SCAPER: variants seen among roughly 807,000 people sequenced by gnomAD.
SCAPER encodes the protein S-phase cyclin A associated protein in the ER, also known as S phase cyclin A-associated protein in the endoplasmic reticulum.
In SCAPER, 98 loss-of-function variants were observed where a neutral mutation model predicts 182.2. That is an observed-to-expected ratio of 0.54 (90% CI 0.46 to 0.64). The LOEUF (loss-of-function observed/expected upper bound fraction) is 0.64, where lower values mean the gene tolerates loss of function less well. Ranked by LOEUF, SCAPER falls within the 30% of genes least tolerant of loss-of-function variation. The pLI is 0.00. For missense variants in SCAPER, 1,432 were observed against 1,690.0 expected (o/e 0.85, Z 2.68); for synonymous variants, 605 against 564.6 (o/e 1.07, Z -1.01).
Position 76,557,909 on chromosome 15 carries a change from T to C in SCAPER, c.2838+16249A>G, listed in dbSNP as rs574347304. On this transcript the variant is annotated intron_variant, in intron 23 of 31. Transcript: ENST00000563290. ...TATCAAGCAATGGGTAAAGGATTCC[T>C]GTGCAATAAACGGTGCTGTGACAAC... 3.9e-5 allele frequency among the ~76,000 whole-genome samples: 6 copies of C among 152,348 alleles called. No homozygotes were observed. The South Asian group carries it at 8.3e-4, about 21-fold the overall frequency.
chr15:76,842,790 A>C (rs1041236563), intron 4 of SCAPER, among the ~76,000 whole-genome samples: 7 of 152,216 alleles, frequency 4.6e-5, no homozygotes, highest in African/African-American at 1.7e-4. Flanking sequence ...TGAGTTGTTC[A>C]AGGTCACATT....
chr15:76,474,328 T>C (rs1423337497), intron 24 of SCAPER, among the ~76,000 whole-genome samples: 1 of 152,244 alleles, frequency 6.6e-6, no homozygotes, highest in Non-Finnish European at 1.5e-5. Flanking sequence ...TCTGTCCTTA[T>C]GGAGCTGATG....
chr15:76,694,442 G>A (rs983921200), intron 20 of SCAPER, among the ~76,000 whole-genome samples: 5 of 152,026 alleles, frequency 3.3e-5, no homozygotes, highest in African/African-American at 1.2e-4. Context: ...ACTACATAGA[G>A]TATGCATTAA....
chr15:76,766,893 T>TATA, intron 11 of SCAPER, 25 bp downstream of exon 11: 1 of 1,569,658 alleles, frequency 6.4e-7, no homozygotes, highest in Non-Finnish European at 8.6e-7. Context: ...TTTGAATAGT[T>TATA]ATGTTAAAAA....
At chr15:76,624,172 G>A (rs1396290999) in intron 21 of SCAPER, among the ~76,000 whole-genome samples, 1 of 152,182 alleles carries the variant, frequency 6.6e-6, no homozygotes, top group Non-Finnish European at 1.5e-5. Context: ...AAGGCTCCTA[G>A]AACCGATAGA....
chr15:76,622,369 G>A (rs1226814038), intron 21 of SCAPER, among the ~76,000 whole-genome samples: 3 of 150,576 alleles, frequency 2.0e-5, no homozygotes, highest in East Asian at 3.9e-4. Flanking sequence ...AGTGATCTAC[G>A]AAAAAATTAC....
At chr15:76,714,132 A>T (rs1283585431) in intron 17 of SCAPER, among the ~76,000 whole-genome samples, 3 of 152,172 alleles carry the variant, frequency 2.0e-5, no homozygotes, top group Non-Finnish European at 2.9e-5. Flanking sequence ...GATGACAGAC[A>T]AGAGAGAAAG....
chr15:76,762,725 T>G (rs2062866081), intron 14 of SCAPER, among the ~76,000 whole-genome samples: 1 of 152,220 alleles, frequency 6.6e-6, no homozygotes, highest in Non-Finnish European at 1.5e-5. Context: ...CCTAGCTCAC[T>G]GCAGCCTCAA....
chr15:76,840,889 A>G (rs1256297949), intron 5 of SCAPER, among the ~76,000 whole-genome samples: 1 of 152,222 alleles, frequency 6.6e-6, no homozygotes, highest in Non-Finnish European at 1.5e-5. Flanking sequence ...ATTAGAAAAC[A>G]CACCTTACAA....
intron 21 of SCAPER, among the ~76,000 whole-genome samples, chr15:76,640,059 G>T (rs762710215): frequency 5.9e-5 from 9 of 152,064 alleles, no homozygotes; most frequent in African/African-American, 1.9e-4. Flanking sequence ...AGGAGTAAAC[G>T]ATTTATTTTT....
intron 15 of SCAPER, among the ~76,000 whole-genome samples, chr15:76,748,124 G>A (rs2061898433): frequency 6.6e-6 from 1 of 151,872 alleles, no homozygotes; most frequent in Non-Finnish European, 1.5e-5. Context: ...CGGAGTAGCT[G>A]GGATTACAGG....
intron 23 of SCAPER, among the ~76,000 whole-genome samples, chr15:76,535,473 G>C (rs186929920): frequency 3.2e-4 from 39 of 122,096 alleles, no homozygotes; most frequent in African/African-American, 1.1e-3. Context: ...AGTGAGCTGA[G>C]ATCTCGCCAT....
At chr15:76,606,949 A>G (rs887818979) in intron 22 of SCAPER, among the ~76,000 whole-genome samples, 18 of 152,212 alleles carry the variant, frequency 1.2e-4, no homozygotes, top group Non-Finnish European at 1.8e-4. Context: ...CAGCACACTG[A>G]TGAGTCTTGA....
At chr15:76,688,782 T>C (rs555437135) in intron 20 of SCAPER, among the ~76,000 whole-genome samples, 1 of 152,024 alleles carries the variant, frequency 6.6e-6, no homozygotes, top group East Asian at 1.9e-4. Context: ...TCCATTGGTC[T>C]ATATATCTGT....
At chr15:76,815,952 A>C (rs938795543) in intron 5 of SCAPER, among the ~76,000 whole-genome samples, 1 of 152,242 alleles carries the variant, frequency 6.6e-6, no homozygotes, top group Admixed American at 6.5e-5. Context: ...GTATCTGTGC[A>C]TCTAAACACA....
chr15:76,820,531 T>A (rs969814956), intron 5 of SCAPER, among the ~76,000 whole-genome samples: 36 of 141,580 alleles, frequency 2.5e-4, no homozygotes, highest in African/African-American at 9.1e-4. Context: ...TAGGTGGGAA[T>A]TGAACAATGA....
intron 26 of SCAPER, among the ~76,000 whole-genome samples, chr15:76,407,225 A>G (rs2044916868): frequency 6.6e-6 from 1 of 152,226 alleles, no homozygotes; most frequent in South Asian, 2.1e-4. Context: ...GGGATAGCCT[A>G]TTGTTCCCAG....
chr15:76,760,949 A>C (rs1052345212), intron 14 of SCAPER, among the ~76,000 whole-genome samples: 10 of 152,114 alleles, frequency 6.6e-5, no homozygotes, highest in Non-Finnish European at 1.2e-4. Context: ...CTTCTCCTTT[A>C]TATGTTTCAT....
intron 29 of SCAPER, among the ~76,000 whole-genome samples, chr15:76,366,080 C>T (rs2041790443): frequency 8.9e-6 from 1 of 112,024 alleles, no homozygotes; most frequent in African/African-American, 3.6e-5. Context: ...TGATTACTTA[C>T]ACACTTACAC....
Sources: allele counts gnomAD v4.1 joint callset (sites outside exome capture counted in the v4.1 genomes callset), GRCh38; gene constraint gnomAD v4.1.1; transcripts MANE v1.5; gene names NCBI Gene and HGNC (gene_info 2026-07-23, HGNC 2026-07-21).